The following UGT1A8 variants were observed in gnomAD, a reference collection of about 807,000 sequenced individuals.
UGT1A8 encodes the protein UDP-glucuronosyltransferase 1A8.
A neutral mutation model predicts 45.3 loss-of-function variants in UGT1A8; 39 were observed. The ratio of observed to expected loss-of-function variants is 0.86; its 90% CI spans 0.67 to 1.12. The LOEUF (loss-of-function observed/expected upper bound fraction) is 1.12. UGT1A8 is among the 50% of genes most tolerant of loss of function. The pLI is 0.00. For missense variants in UGT1A8, 719 were observed against 664.9 expected (o/e 1.08, Z -0.90); for synonymous variants, 275 against 249.2 (o/e 1.10, Z -0.97).
intron 1 of UGT1A8, among the ~76,000 whole-genome samples, chr2:233,765,334 TAAC>T (rs1239541467): frequency 6.6e-6 from 1 of 152,144 alleles, no homozygotes; most frequent in African/African-American, 2.4e-5. Flanking sequence ...CTATTCACAA[TAAC>T]AAAGTCATGG....
chr2:233,634,261 G>A (rs920750486), intron 1 of UGT1A8, among the ~76,000 whole-genome samples: 1 of 152,168 alleles, frequency 6.6e-6, no homozygotes, highest in Admixed American at 6.5e-5. Context: ...AGTGCAATGT[G>A]GTGCTGAGAA....
At chr2:233,725,941 G>A (rs1261379461) in intron 1 of UGT1A8, among the ~76,000 whole-genome samples, 2 of 152,166 alleles carry the variant, frequency 1.3e-5, no homozygotes, top group East Asian at 3.8e-4. Flanking sequence ...TGATGCAGGA[G>A]GATTGTTTGA....
intron 1 of UGT1A8, among the ~76,000 whole-genome samples, chr2:233,702,160 A>T (rs577111484): frequency 1.3e-5 from 2 of 152,316 alleles, no homozygotes; most frequent in African/African-American, 2.4e-5. Flanking sequence ...ATCTATTATC[A>T]GTCACTCTTC....
At chr2:233,749,821 C>T (rs1469380104) in intron 1 of UGT1A8, among the ~76,000 whole-genome samples, 1 of 151,926 alleles carries the variant, frequency 6.6e-6, no homozygotes, top group African/African-American at 2.4e-5. Context: ...TCCTCTTTCT[C>T]TCTTTCATGT....
At chr2:233,720,781 C>G (rs2076890046) in intron 1 of UGT1A8, among the ~76,000 whole-genome samples, 1 of 151,290 alleles carries the variant, frequency 6.6e-6, no homozygotes, top group South Asian at 2.1e-4. Flanking sequence ...TCTCCGCTCA[C>G]TGCAACCTTC....
At chr2:233,719,708 C>T in intron 1 of UGT1A8, 1 of 1,613,968 alleles carries the variant, frequency 6.2e-7, no homozygotes, top group Non-Finnish European at 8.5e-7. Flanking sequence ...GTGCCTTCAT[C>T]CAATCAATGT....
rs886044683 is a variant in UGT1A8 at position 233,760,424 on chromosome 2, C to T, written c.856-6610C>T. The T allele has an allele frequency of 3.3e-5, 53 of 1,614,062 alleles. No individual in the cohort carries two copies. Among genetic ancestry groups the T allele is most frequent in the Non-Finnish European group, 4.4e-5 (52 of 1,180,038 alleles). On this transcript the variant is annotated intron_variant, in intron 1 of 4. Coordinates refer to ENST00000373450, the MANE Select transcript of UGT1A8 (RefSeq NM_019076.5). ...AGCCACTGGCTGAGCATGCTTGGGG[C>T]CATCCAGCAGCTGCAGCAGAGGGGA...
At chr2:233,690,713 G>A (rs758737134) in intron 1 of UGT1A8, 39 of 1,220,018 alleles carry the variant, frequency 3.2e-5, no homozygotes, top group Non-Finnish European at 4.1e-5. Flanking sequence ...TCGTCATTAT[G>A]ACGAACAGAC....
At chr2:233,729,849 A>G (rs745766875) in intron 1 of UGT1A8, 35 of 1,613,614 alleles carry the variant, frequency 2.2e-5, no homozygotes, top group Non-Finnish European at 2.5e-5. Context: ...TTTTTCAGAG[A>G]GAGGTGTCAG....
At chr2:233,757,313 C>T (rs1359328872) in intron 1 of UGT1A8, among the ~76,000 whole-genome samples, 3 of 66,648 alleles carry the variant, frequency 4.5e-5, no homozygotes, top group African/African-American at 1.8e-4. Context: ...GACAGGGGGG[C>T]TGGGGCCCTG....
chr2:233,711,204 C>T (rs760514189), intron 1 of UGT1A8, among the ~76,000 whole-genome samples: 35 of 152,374 alleles, frequency 2.3e-4, no homozygotes, highest in Non-Finnish European at 4.4e-4. Context: ...CAGTCCTGCT[C>T]TCCCCAGTGC....
chr2:233,644,978 A>G (rs1021291797), intron 1 of UGT1A8, among the ~76,000 whole-genome samples: 1 of 152,148 alleles, frequency 6.6e-6, no homozygotes, highest in Non-Finnish European at 1.5e-5. Flanking sequence ...AAAGGTTCTT[A>G]TGACCCCTGA....
Position 233,772,824 on chromosome 2 carries a change from C to A in UGT1A8, c.*265C>A. On this transcript the variant is annotated 3_prime_UTR_variant, in exon 5 of 5. Coordinates refer to ENST00000373450, the MANE Select transcript of UGT1A8 (RefSeq NM_019076.5). ...ATTTTTCAGAGGACGTGCAGACAGG[C>A]TGGCATTCTAGATTACTTTTCTTAC... 3 of 955,748 alleles carry A rather than the reference C, an allele frequency of 3.1e-6. No individual in the cohort carries two copies. The highest frequency in any genetic ancestry group is 2.9e-6 in the Non-Finnish European group (2 of 693,186). 59.2% of individuals were successfully genotyped at this position (955,748 alleles called of 1,614,324 possible).
At chr2:233,679,136 A>G (rs1455570531) in intron 1 of UGT1A8, among the ~76,000 whole-genome samples, 1 of 152,136 alleles carries the variant, frequency 6.6e-6, no homozygotes, top group Non-Finnish European at 1.5e-5. Flanking sequence ...CCTGATTGAG[A>G]GACTGAATTA....
chr2:233,721,930 C>T (rs557972236), intron 1 of UGT1A8: 22 of 377,682 alleles, frequency 5.8e-5, no homozygotes, highest in South Asian at 4.7e-4. Flanking sequence ...AAGTGACATC[C>T]TTCAGACACT....
chr2:233,617,946 C>T lies in UGT1A8; in HGVS notation c.239C>T (p.Ser80Leu), dbSNP rs1289525304. The T allele has an allele frequency of 6.2e-7, 1 of 1,614,100 alleles. No homozygotes were observed. Among genetic ancestry groups the T allele is most frequent in the East Asian group, 2.2e-5 (1 of 44,896 alleles). Residue 80 changes from serine to leucine, a missense_variant, in exon 1 of 5, where the codon TCA becomes TTA. Physicochemically the swap from Ser to Leu is moderately radical, Grantham distance 145. Coordinates refer to ENST00000373450, the MANE Select transcript of UGT1A8 (RefSeq NM_019076.5). ...LNCTVKTYST[S>L]YTLEDLDREF... The stretch of plus-strand genomic sequence containing the variant: ...TGCACAGTGAAGACTTACTCAACCT[C>T]ATACACTCTGGAGGATCTGGACCGG...
At chr2:233,690,915 CATTTCTTCAGCTCCTT>C in intron 1 of UGT1A8, 2 of 1,022,090 alleles carry the variant, frequency 2.0e-6, no homozygotes, top group Non-Finnish European at 1.2e-6. Context: ...ATGTTAGTTT[CATTTCTTCAGCTCCTT>C]CCTCCAACTC....
In UGT1A8 at chr2:233,744,891, T is replaced by C. The variant is rs1270091915; in HGVS notation, c.856-22143T>C. 7.2e-5 allele frequency among the ~76,000 whole-genome samples: 11 copies of C among 151,996 alleles called. No individual in the cohort carries two copies. The East Asian group carries it at 2.1e-3, about 29-fold the overall frequency. On this transcript the variant is annotated intron_variant, in intron 1 of 4. Coordinates refer to ENST00000373450, the MANE Select transcript of UGT1A8 (RefSeq NM_019076.5). ...GGATTAGTTTAGGACAACCCTCCTC[T>C]CCATACCAAAATCTAGATGCTCAAG...
At chr2:233,748,159 A>G (rs963522217) in intron 1 of UGT1A8, 2 of 1,598,928 alleles carry the variant, frequency 1.3e-6, no homozygotes, top group African/African-American at 1.4e-5. Context: ...AATTGCTTCC[A>G]TATCTACTTA....
Sources: gnomAD v4.1 joint callset for allele counts (sites outside exome capture counted in the v4.1 genomes callset) on GRCh38, gnomAD v4.1.1 for gene constraint, MANE v1.5 for transcripts, NCBI Gene and HGNC (gene_info 2026-07-23, HGNC 2026-07-21) for gene names.